Variants in P2RX5 observed in about 807,000 individuals in gnomAD.
The protein encoded by P2RX5 is purinergic receptor P2X 5, also known as P2X purinoceptor 5.
Under a neutral mutation model 54.1 loss-of-function variants are expected in P2RX5, and 46 were observed. That is an observed-to-expected ratio of 0.85 (90% confidence interval 0.67 to 1.09). The LOEUF is 1.09. Among genes scored for constraint, P2RX5 ranks in the 50% least tolerant of loss-of-function variants. P2RX5 has a pLI of 0.00. For synonymous variants in P2RX5, 226 were observed against 226.4 expected, an observed-to-expected ratio of 1.00 and a Z score of 0.02; for missense variants, 566 against 549.8, an observed-to-expected ratio of 1.03 and a Z score of -0.29.
chr17:3,675,600 A>G (rs1353634260), intron 11 of P2RX5: 3 of 967,978 alleles, frequency 3.1e-6, no homozygotes, highest in Non-Finnish European at 3.7e-6. Flanking sequence ...CGCCCAGGCC[A>G]GAGTGCAGTG....
chr17:3,714,925 T>A, the P2RX5 span: 1 of 1,605,602 alleles, frequency 6.2e-7, no homozygotes, highest in African/African-American at 1.3e-5. Context: ...GTTGATATTT[T>A]CTTTTAAAAA....
chr17:3,717,013 T>C, the P2RX5 span: 1 of 469,652 alleles, frequency 2.1e-6, no homozygotes, highest in Non-Finnish European at 3.9e-6. Context: ...TAAGAAACTA[T>C]TCTGGCCCCT....
chr17:3,723,682 G>A, the P2RX5 span: 2 of 1,589,400 alleles, frequency 1.3e-6, no homozygotes, highest in South Asian at 2.3e-5. Flanking sequence ...GGACGGCCGC[G>A]CTTACCTGAA....
At chr17:3,723,404 G>A in the P2RX5 span, 45 of 1,533,068 alleles carry the variant, frequency 2.9e-5, no homozygotes, top group Non-Finnish European at 3.9e-5. Flanking sequence ...GAGGTCTAGT[G>A]AACACAATTC....
the P2RX5 span, chr17:3,723,427 A>T: frequency 7.1e-7 from 1 of 1,407,184 alleles, no homozygotes; most frequent in African/African-American, 1.4e-5. Flanking sequence ...TTCCGTGCGG[A>T]AAGTCTGAAA....
chr17:3,723,331 TTTTC>T, the P2RX5 span: 1 of 1,613,932 alleles, frequency 6.2e-7, no homozygotes, highest in Non-Finnish European at 8.5e-7. Context: ...CACGGTGACA[TTTTC>T]TTTATCTGAA....
At chr17:3,715,643 C>T in the P2RX5 span, among the ~76,000 whole-genome samples, 3 of 152,142 alleles carry the variant, frequency 2.0e-5, no homozygotes, top group East Asian at 5.8e-4. Flanking sequence ...GCTCGAGCCC[C>T]GGAGTTTGAG....
At chr17:3,677,686 G>A (rs2050136100) in intron 11 of P2RX5, 1 of 985,382 alleles carries the variant, frequency 1.0e-6, no homozygotes, top group African/African-American at 1.7e-5. Context: ...TCTCCCTGAG[G>A]TTAGGTCAGC....
chr17:3,675,531 T>C (rs1237607251), intron 11 of P2RX5: 14 of 984,738 alleles, frequency 1.4e-5, no homozygotes, highest in Non-Finnish European at 1.2e-5. Context: ...GTGACACACC[T>C]AAGTGGATCA....
At chr17:3,714,566 C>A in the P2RX5 span, 1 of 285,912 alleles carries the variant, frequency 3.5e-6, no homozygotes, top group Non-Finnish European at 6.4e-6. Context: ...AAAACTTGCC[C>A]TATCAGGCAA....
the P2RX5 span, chr17:3,723,716 T>C: frequency 8.7e-6 from 14 of 1,605,064 alleles, no homozygotes; most frequent in Non-Finnish European, 1.7e-6. Context: ...ACAAGCGCGC[T>C]CCTGACTCCA....
At chr17:3,681,778 GC>G in intron 10 of P2RX5, 117 bp downstream of exon 10, 1 of 750,098 alleles carries the variant, frequency 1.3e-6, no homozygotes, top group African/African-American at 1.7e-5. Flanking sequence ...TCCTCCCCGG[GC>G]CCTCCAGCCC....
At position 3,689,694 on chromosome 17, in the gene P2RX5, G is replaced by A. The variant is rs545021413; in HGVS notation, c.615-64C>T. 5 of 1,605,958 alleles carry A rather than the reference G, an allele frequency of 3.1e-6. No individual in the cohort carries two copies. In the East Asian group the frequency reaches 8.9e-5, roughly 29 times the overall value. On this transcript the variant is annotated intron_variant, in intron 6 of 11. Coordinates refer to ENST00000225328, the MANE Select transcript of P2RX5 (RefSeq NM_002561.4). ...ACTTGATGTTTCCCGGCCTGGCCAG[G>A]AGTCACTCGGTCCCTCACCAACCTG...
the P2RX5 span, chr17:3,720,331 C>A: frequency 1.9e-6 from 3 of 1,582,656 alleles, no homozygotes; most frequent in Non-Finnish European, 2.6e-6. Flanking sequence ...TCTCTGCATT[C>A]AGTCCCTCAT....
At chr17:3,685,412 G>GGGGGCACT (rs2050414912) in intron 9 of P2RX5, 1 of 153,324 alleles carries the variant, frequency 6.5e-6, no homozygotes. Flanking sequence ...GGTTCTTTCT[G>GGGGGCACT]GGGGCACTGG....
chr17:3,688,379 C>T (rs1160700565), intron 8 of P2RX5, among the ~76,000 whole-genome samples: 1 of 152,204 alleles, frequency 6.6e-6, no homozygotes, highest in African/African-American at 2.4e-5. Context: ...AAGGATGCGG[C>T]AGAGGCCGCA....
chr17:3,678,550 T>C (rs545871254), intron 11 of P2RX5, among the ~76,000 whole-genome samples: 1 of 152,286 alleles, frequency 6.6e-6, no homozygotes, highest in South Asian at 2.1e-4. Flanking sequence ...TACGGACCCC[T>C]AGCCTCCAGC....
the P2RX5 span, chr17:3,723,475 C>A: frequency 2.8e-6 from 3 of 1,074,348 alleles, no homozygotes; most frequent in African/African-American, 4.7e-5. Context: ...TCGTAAGGTC[C>A]CAGAATAGAG....
intron 1 of P2RX5, among the ~76,000 whole-genome samples, chr17:3,695,638 C>T (rs2050736260): frequency 6.6e-6 from 1 of 152,112 alleles, no homozygotes; most frequent in Non-Finnish European, 1.5e-5. Flanking sequence ...GGCCCCTGCC[C>T]ACCTCTCATC....
Sources: allele counts gnomAD v4.1 joint callset (sites outside exome capture counted in the v4.1 genomes callset), GRCh38; gene constraint gnomAD v4.1.1; transcripts MANE v1.5; gene names NCBI Gene and HGNC (gene_info 2026-07-23, HGNC 2026-07-21).